DNAH9: variants seen among roughly 807,000 people sequenced by gnomAD.
DNAH9 encodes dynein axonemal heavy chain 9, also known as DNAH9 variant protein.
A neutral mutation model predicts 471.6 loss-of-function variants in DNAH9; 345 were observed. That is an observed-to-expected ratio of 0.73 (90% confidence interval 0.67 to 0.80). The LOEUF is 0.80. DNAH9 is among the 30% of genes least tolerant of loss of function. The pLI is 0.00. For missense variants in DNAH9, 5,407 were observed against 5,609.2 expected, an observed-to-expected ratio of 0.96 and a Z score of 1.15; for synonymous variants, 2,093 against 2,123.6, an observed-to-expected ratio of 0.99 and a Z score of 0.40.
chr17:11,652,768 C>A lies in DNAH9; in HGVS notation c.2361C>A (p.Cys787Ter), dbSNP rs771208019. 1 of 1,612,712 alleles carries A rather than the reference C, an allele frequency of 6.2e-7. No homozygotes were observed. The highest frequency in any genetic ancestry group is 1.7e-5 in the Admixed American group (1 of 59,882). ...ETLNWKTEGICDYVTEITSSI... is the reference protein window; with the variant it reads ...ETLNWKTEGI ...GTTTCTTTTGGGGAACAGGCATTTGCGATTATGTCACTGAAATCACCAGTA... is the reference window on the plus strand; with the variant it reads ...GTTTCTTTTGGGGAACAGGCATTTGAGATTATGTCACTGAAATCACCAGTA... The change falls in exon 14 of 69, where the codon TGC (cysteine) becomes TGA (stop). Residue 787 changes from cysteine (C) to a stop codon, truncating the protein, a stop_gained. Transcript: ENST00000262442. LOFTEE classifies it high-confidence loss of function.
chr17:11,905,585 G>A (rs1404232298), intron 60 of DNAH9, 76 bp from the exon 61 acceptor site: 3 of 1,478,902 alleles, frequency 2.0e-6, no homozygotes, highest in Non-Finnish European at 2.8e-6. Flanking sequence ...CATTTCTATA[G>A]GCCTCTATTT....
At chr17:11,853,899 A>C (rs1971523365) in intron 49 of DNAH9, 104 bp from the exon 50 acceptor site, 2 of 1,098,232 alleles carry the variant, frequency 1.8e-6, no homozygotes, top group Non-Finnish European at 2.6e-6. Context: ...CAGGCTTCAA[A>C]GCAGCCCTTT....
chr17:11,854,448 C>T lies in DNAH9; in HGVS notation c.9933+20C>T, dbSNP rs1294016974. 3 of 1,595,992 alleles carry T rather than the reference C, an allele frequency of 1.9e-6. No homozygotes were observed. The highest frequency in any genetic ancestry group is 2.7e-5 in the African/African-American group (2 of 74,304). ...ATCGCTGTGAGTGACCCCAGAGCCC[C>T]TCACCCTGCTAGTCCGCCTCCAATA... On this transcript the variant is annotated intron_variant, in intron 50 of 68. Coordinates refer to ENST00000262442, the MANE Select transcript of DNAH9 (RefSeq NM_001372.4).
In DNAH9 at chr17:11,669,111, G is replaced by C. The variant is rs931369932; in HGVS notation, c.2779G>C (p.Ala927Pro). The C allele has an allele frequency of 1.2e-6, 2 of 1,613,984 alleles. No homozygotes were observed. The highest frequency in any genetic ancestry group is 1.7e-5 in the Admixed American group (1 of 60,016). ...TPIFEAQLSL[A>P]IPELVFYPSL... ...AATATTTGAAGCACAACTGAGTCTA[G>C]CCATCCCAGAGCTAGTTTTCTATCC... The change falls in exon 16 of 69, where the codon GCC (alanine) becomes CCC (proline). Residue 927 changes from alanine (A) to proline (P), a missense_variant. Coordinates refer to ENST00000262442, the MANE Select transcript of DNAH9 (RefSeq NM_001372.4).
At chr17:11,847,302 G>T (rs966323402) in intron 49 of DNAH9, among the ~76,000 whole-genome samples, 8 of 152,126 alleles carry the variant, frequency 5.3e-5, no homozygotes, top group Non-Finnish European at 1.2e-4. Flanking sequence ...GTCCAGAATG[G>T]TATTGCCTAG....
rs374122106 is a variant in DNAH9, at chr17:11,895,360, T to A, written c.11406+864T>A. On this transcript the variant is annotated intron_variant, in intron 59 of 68. Transcript: ENST00000262442. ...TCAGCGCCATGTGAGGAATAGCATC[T>A]ACATAAGATGAATCTTGTTTATGAT... 2.1e-4 allele frequency among the ~76,000 whole-genome samples: 32 copies of A among 152,358 alleles called. No homozygotes were observed. The South Asian group carries it at 6.4e-3, about 31-fold the overall frequency.
intron 1 of DNAH9, among the ~76,000 whole-genome samples, chr17:11,607,817 G>A (rs756867255): frequency 1.3e-5 from 2 of 152,104 alleles, no homozygotes; most frequent in Non-Finnish European, 2.9e-5. Context: ...TGATCCACCT[G>A]CCTCAGCCTC....
chr17:11,762,780 T>TG (rs1567783386), intron 35 of DNAH9, among the ~76,000 whole-genome samples: 5 of 125,276 alleles, frequency 4.0e-5, no homozygotes, highest in Non-Finnish European at 6.8e-5. Flanking sequence ...GTTTTTTTTT[T>TG]TTTTTTTTTT....
chr17:11,892,661 C>T lies in DNAH9; in HGVS notation c.11283+714C>T, dbSNP rs1973087047. Among the ~76,000 whole-genome samples, 1 of 152,132 alleles carries T rather than the reference C, an allele frequency of 6.6e-6. No individual in the cohort carries two copies. The highest frequency in any genetic ancestry group is 2.4e-5 in the African/African-American group (1 of 41,432). On this transcript the variant is annotated intron_variant, in intron 58 of 68. Transcript: ENST00000262442. The surrounding 1 kb of genome is among the most constrained non-coding windows in gnomAD (Gnocchi z 4.3). ...CACCTCCCCAGTTCAAGTGATTCTC[C>T]TGCCTCAGGCTCCCGTGTAGCTGGG...
chr17:11,652,551 C>T (rs925551874), intron 13 of DNAH9, among the ~76,000 whole-genome samples: 4 of 152,052 alleles, frequency 2.6e-5, no homozygotes, highest in African/African-American at 9.7e-5. Flanking sequence ...TCCCAAAGTG[C>T]TGGGATTACA....
chr17:11,608,368 G>A (rs764315084), intron 2 of DNAH9, 43 bp downstream of exon 2: 89 of 1,413,378 alleles, frequency 6.3e-5, no homozygotes, highest in Non-Finnish European at 8.3e-5. Flanking sequence ...TGAGATATGG[G>A]AGATGCTGGT....
Position 11,932,110 on chromosome 17 carries a change from G to A in DNAH9, c.12202G>A (p.Gly4068Arg), listed in dbSNP as rs899318050. The change falls in exon 64 of 69, where the codon GGG (glycine) becomes AGG (arginine). Residue 4068 changes from glycine (G) to arginine (R), a missense_variant. Around this residue, in one of 3 missense-constraint regions of DNAH9, gnomAD observed 4,636 missense variants for 4,900.3 expected, o/e 0.95. Transcript: ENST00000262442. This position sits in a 1 kb window ranked among gnomAD's most constrained non-coding sequence, Gnocchi z 4.3. ...GGTGGTGGCAGAAAGACGAAAATTT[G>A]GGCCCCAGGGATGGAATCGCTCATA... is the stretch of plus-strand genomic sequence containing the variant. ...HAVVAERRKFGPQGWNRSYPF... is the reference protein window; with the variant it reads ...HAVVAERRKFRPQGWNRSYPF... 2 of 1,613,948 alleles carry A rather than the reference G, an allele frequency of 1.2e-6. No individual in the cohort carries two copies. The highest frequency in any genetic ancestry group is 1.3e-5 in the African/African-American group (1 of 74,860).
chr17:11,809,628 G>A (rs775182438), intron 44 of DNAH9, among the ~76,000 whole-genome samples: 3 of 152,032 alleles, frequency 2.0e-5, no homozygotes, highest in Non-Finnish European at 4.4e-5. Flanking sequence ...ATATTCATCC[G>A]CCATGCTGGT....
intron 15 of DNAH9, 70 bp downstream of exon 15, chr17:11,665,038 T>A: frequency 7.1e-7 from 1 of 1,416,738 alleles, no homozygotes; most frequent in Non-Finnish European, 9.8e-7. Flanking sequence ...TGAATTATAT[T>A]GAAGAGCAGC....
At chr17:11,764,764 C>G (rs1967860091) in intron 36 of DNAH9, among the ~76,000 whole-genome samples, 1 of 151,558 alleles carries the variant, frequency 6.6e-6, no homozygotes, top group African/African-American at 2.4e-5. Context: ...GTTCTTAGCA[C>G]AAAACAACAA....
intron 47 of DNAH9, 79 bp from the exon 48 acceptor site, chr17:11,822,721 AT>A: frequency 6.3e-7 from 1 of 1,583,038 alleles, no homozygotes; most frequent in Non-Finnish European, 8.6e-7. Context: ...TGGTGGAGGA[AT>A]GGCTGGGGTG....
intron 48 of DNAH9, among the ~76,000 whole-genome samples, chr17:11,831,516 A>G (rs1461468777): frequency 3.3e-5 from 5 of 152,022 alleles, no homozygotes; most frequent in Non-Finnish European, 5.9e-5. Context: ...TAGGGGATCA[A>G]TTTTCAACAT....
chr17:11,704,954 T>C, intron 25 of DNAH9, 71 bp from the exon 26 acceptor site: 1 of 1,300,942 alleles, frequency 7.7e-7, no homozygotes, highest in East Asian at 2.3e-5. Flanking sequence ...ATCAGACCCC[T>C]ATGTGTCTTG....
At chr17:11,872,786 G>A (rs1246066953) in intron 52 of DNAH9, among the ~76,000 whole-genome samples, 1 of 152,222 alleles carries the variant, frequency 6.6e-6, no homozygotes, top group African/African-American at 2.4e-5. Flanking sequence ...CGGGCATGGT[G>A]GCGGGCGCCT....
Sources: gnomAD v4.1 joint callset for allele counts (sites outside exome capture counted in the v4.1 genomes callset) on GRCh38, gnomAD v4.1.1 for gene constraint, gnomAD v4.1.1 regional missense constraint, Gnocchi (gnomAD v3.1) non-coding constraint, MANE v1.5 for transcripts, NCBI Gene and HGNC (gene_info 2026-07-23, HGNC 2026-07-21) for gene names.